The following IGSF9B variants were observed in gnomAD, a reference collection of about 807,000 sequenced individuals.
The protein encoded by IGSF9B is protein turtle homolog B.
Under a neutral mutation model 143.7 loss-of-function variants are expected in IGSF9B, and 48 were observed. The ratio of observed to expected loss-of-function variants is 0.33; its 90% CI spans 0.26 to 0.42. IGSF9B has a LOEUF of 0.42. Among genes scored for constraint, IGSF9B ranks in the 20% least tolerant of loss-of-function variants. IGSF9B has a pLI of 1.00. For synonymous variants in IGSF9B, 903 were observed against 833.1 expected, an observed-to-expected ratio of 1.08 and a Z score of -1.44; for missense variants, 1,706 against 1,980.0, an observed-to-expected ratio of 0.86 and a Z score of 2.63.
At chr11:133,923,321 C>A (rs1316500074) in intron 15 of IGSF9B, among the ~76,000 whole-genome samples, 1 of 152,180 alleles carries the variant, frequency 6.6e-6, no homozygotes, top group Non-Finnish European at 1.5e-5. Flanking sequence ...AAATTCAGAT[C>A]CTCTCCCCTT....
chr11:133,930,862 G>T, intron 11 of IGSF9B, 122 bp downstream of exon 11: 1 of 1,053,468 alleles, frequency 9.5e-7, no homozygotes, highest in Non-Finnish European at 1.3e-6. Flanking sequence ...GGGCTGCACT[G>T]ACTTAGGAAG....
chr11:133,924,467 C>G (rs1939589973), intron 15 of IGSF9B, among the ~76,000 whole-genome samples: 1 of 152,172 alleles, frequency 6.6e-6, no homozygotes, highest in Non-Finnish European at 1.5e-5. Flanking sequence ...CCTGTTGTTT[C>G]CTCCGATTCA....
chr11:133,954,771 T>C (rs77049517), intron 1 of IGSF9B, among the ~76,000 whole-genome samples: 3,089 of 152,124 alleles, frequency 0.02, 87 homozygotes, highest in African/African-American at 0.061. Context: ...CACAGAGCAA[T>C]TGAGGCTAAG....
At chr11:133,930,887 G>A in intron 11 of IGSF9B, 97 bp downstream of exon 11, 1 of 1,249,096 alleles carries the variant, frequency 8.0e-7, no homozygotes. Flanking sequence ...CCCGCAGAGT[G>A]CAGCGGCCAC....
At chr11:133,926,477 A>G (rs1012885793) in intron 13 of IGSF9B, among the ~76,000 whole-genome samples, 2 of 152,180 alleles carry the variant, frequency 1.3e-5, no homozygotes, top group Non-Finnish European at 2.9e-5. Flanking sequence ...CAGAGCAAAC[A>G]CAACTGTGGC....
At chr11:133,924,799 A>G in intron 15 of IGSF9B, 21 bp downstream of exon 15, 1 of 1,604,956 alleles carries the variant, frequency 6.2e-7, no homozygotes, top group South Asian at 1.1e-5. Flanking sequence ...TAGTTGCAAG[A>G]GCACCCTCAA....
rs1417632866 is a variant in IGSF9B, at chr11:133,898,281, G to C, written c.*10788C>G. 1 of 152,224 alleles carries C rather than the reference G, an allele frequency of 6.6e-6. No homozygotes were observed. Among genetic ancestry groups the C allele is most frequent in the African/African-American group, 2.4e-5 (1 of 41,406 alleles). 9.4% of individuals were successfully genotyped at this position (152,224 alleles called of 1,614,324 possible). ...TCATATCCAGAAAAGAAGAACTACA[G>C]CAAGAGGCTGCCGCGCACCGAGAGG... On this transcript the variant is annotated 3_prime_UTR_variant, in exon 20 of 20. Transcript: ENST00000533871.
intron 18 of IGSF9B, 101 bp from the exon 19 acceptor site, chr11:133,912,108 G>C: frequency 2.2e-6 from 3 of 1,385,826 alleles, no homozygotes; most frequent in East Asian, 2.5e-5. Context: ...CAGAAGGACA[G>C]AGTTCAGTCC....
At position 133,948,352 on chromosome 11, in the gene IGSF9B, T is replaced by C. The variant is rs931245657; in HGVS notation, c.65-2094A>G. Among the ~76,000 whole-genome samples, 7 of 152,220 alleles carry C rather than the reference T, an allele frequency of 4.6e-5. No homozygotes were observed. The South Asian group carries it at 8.3e-4, about 18-fold the overall frequency. ...AAAGAGCTAAGATCACAGAGTATTTTTGGAGCAGAGCAGAGCATTGCACTC... is the reference window on the plus strand; with the variant it reads ...AAAGAGCTAAGATCACAGAGTATTTCTGGAGCAGAGCAGAGCATTGCACTC... On this transcript the variant is annotated intron_variant, in intron 1 of 19. Coordinates refer to ENST00000533871, the MANE Select transcript of IGSF9B (RefSeq NM_001277285.4). The surrounding 1 kb of genome is among the most constrained non-coding windows in gnomAD (Gnocchi z 4.7).
Position 133,901,552 on chromosome 11 carries a change from G to A in IGSF9B, c.*7517C>T, listed in dbSNP as rs566923094. 6.6e-6 allele frequency: 1 copy of A among 152,176 alleles called. No individual in the cohort carries two copies. The highest frequency in any genetic ancestry group is 1.5e-5 in the Non-Finnish European group (1 of 68,018). The allele number at this position is 152,176 out of a possible 1,614,324, so 9.4% of individuals were successfully genotyped here. A position where few individuals can be genotyped will look rare whatever the true frequency, so the allele number is the denominator to read the frequency against. ...CTCGCCCGAAGCTCCCAGTCTCCAC[G>A]ATTGCATCTGATCCTTGCCTCCCAC... is the stretch of plus-strand genomic sequence containing the variant. On this transcript the variant is annotated 3_prime_UTR_variant, in exon 20 of 20. Coordinates refer to ENST00000533871, the MANE Select transcript of IGSF9B (RefSeq NM_001277285.4).
In IGSF9B at chr11:133,946,337, A is replaced by G. The variant is rs1429900705; in HGVS notation, c.65-79T>C. 5 of 1,274,350 alleles carry G rather than the reference A, an allele frequency of 3.9e-6. No homozygotes were observed. In the East Asian group the frequency reaches 1.2e-4, roughly 32 times the overall value. The allele number at this position is 1,274,350 out of a possible 1,614,324, so 78.9% of individuals were successfully genotyped here. A position where few individuals can be genotyped will look rare whatever the true frequency, so the allele number is the denominator to read the frequency against. ...CCCAGCAGCCCCATGTCCGTGTCAC[A>G]GGGTCACCCCGCCCCCCACCAGCTG... On this transcript the variant is annotated intron_variant, in intron 1 of 19. Coordinates refer to ENST00000533871, the MANE Select transcript of IGSF9B (RefSeq NM_001277285.4).
At chr11:133,946,958 G>A (rs1591725660) in intron 1 of IGSF9B, among the ~76,000 whole-genome samples, 2 of 152,338 alleles carry the variant, frequency 1.3e-5, no homozygotes, top group East Asian at 3.9e-4. Context: ...GCAGAGGGGG[G>A]AGTGGGAGGG....
intron 18 of IGSF9B, among the ~76,000 whole-genome samples, chr11:133,917,986 G>A (rs971206376): frequency 2.0e-5 from 3 of 151,098 alleles, no homozygotes. Flanking sequence ...CAGCAGGCTG[G>A]CGAGGCTGGC....
Position 133,898,098 on chromosome 11 carries a change from C to T in IGSF9B, c.*10971G>A, listed in dbSNP as rs538300994. The T allele has an allele frequency of 3.3e-5, 5 of 152,312 alleles. No homozygotes were observed. Among genetic ancestry groups the T allele is most frequent in the East Asian group, 3.9e-4 (2 of 5,182 alleles). The allele number at this position is 152,312 out of a possible 1,614,324, so 9.4% of individuals were successfully genotyped here. ...AGAACAGCACCATGAAGCACCCTAGCGCAGTGATGTTGTAATACTCAACAT... is the reference window on the plus strand; with the variant it reads ...AGAACAGCACCATGAAGCACCCTAGTGCAGTGATGTTGTAATACTCAACAT... On this transcript the variant is annotated 3_prime_UTR_variant, in exon 20 of 20. Transcript: ENST00000533871.
rs1458621277 is a variant in IGSF9B at position 133,908,947 on chromosome 11, G to A, written c.*122C>T. On this transcript the variant is annotated 3_prime_UTR_variant, in exon 20 of 20. Coordinates refer to ENST00000533871, the MANE Select transcript of IGSF9B (RefSeq NM_001277285.4). ...GAGACACCCGCTCTGGCAAAAGAGG[G>A]GGCATGCAGGACAAAGGTCTGGGCC... 6.2e-6 allele frequency: 5 copies of A among 804,818 alleles called. No individual in the cohort carries two copies. Among genetic ancestry groups the A allele is most frequent in the African/African-American group, 1.7e-5 (1 of 58,356 alleles). 49.9% of individuals were successfully genotyped at this position (804,818 alleles called of 1,614,324 possible). A position where few individuals can be genotyped will look rare whatever the true frequency, so the allele number is the denominator to read the frequency against.
chr11:133,926,014 G>A, intron 13 of IGSF9B, 49 bp from the exon 14 acceptor site: 1 of 1,312,148 alleles, frequency 7.6e-7, no homozygotes, highest in Non-Finnish European at 1.1e-6. Context: ...GAGGCCCAGG[G>A]CAGCCACCGC....
At position 133,937,652 on chromosome 11, in the gene IGSF9B, C is replaced by T. The variant is rs540327776; in HGVS notation, c.561+158G>A. ...GGCAGGTGCCCCCTTGCCCATCTCC[C>T]GCCAGCGACACAGAGACGCCTGCAG... On this transcript the variant is annotated intron_variant, in intron 4 of 19. Transcript: ENST00000533871. 2.6e-5 allele frequency among the ~76,000 whole-genome samples: 4 copies of T among 152,334 alleles called. No homozygotes were observed. The East Asian group carries it at 5.8e-4, about 22-fold the overall frequency.
At chr11:133,930,156 T>C (rs1423301138) in intron 11 of IGSF9B, among the ~76,000 whole-genome samples, 1 of 151,926 alleles carries the variant, frequency 6.6e-6, no homozygotes, top group Non-Finnish European at 1.5e-5. Flanking sequence ...TCCCGTAAGG[T>C]TCTCTGGCCT....
rs537896349 is a variant in IGSF9B at position 133,905,396 on chromosome 11, G to A, written c.*3673C>T. ...GTTTCTCCCTAGAAGCTACTGTTTC[G>A]TCAACCTTGTCCCCCACCCCAAATA... On this transcript the variant is annotated 3_prime_UTR_variant, in exon 20 of 20. Coordinates refer to ENST00000533871, the MANE Select transcript of IGSF9B (RefSeq NM_001277285.4). This position sits in a 1 kb window ranked among gnomAD's most constrained non-coding sequence, Gnocchi z 4.0. Among the ~76,000 whole-genome samples, 12 of 152,154 alleles carry A rather than the reference G, an allele frequency of 7.9e-5. No homozygotes were observed. The South Asian group carries it at 2.5e-3, about 32-fold the overall frequency.
Sources: allele counts gnomAD v4.1 joint callset (sites outside exome capture counted in the v4.1 genomes callset), GRCh38; gene constraint gnomAD v4.1.1; non-coding constraint Gnocchi (gnomAD v3.1); transcripts MANE v1.5; gene names NCBI Gene and HGNC (gene_info 2026-07-23, HGNC 2026-07-21).